The following XPO4 variants were observed in gnomAD, a reference collection of about 807,000 sequenced individuals.
XPO4 encodes the protein exportin 4, also known as exportin-4.
Under a neutral mutation model 143.0 loss-of-function variants are expected in XPO4, and 39 were observed. That is an observed-to-expected ratio of 0.27 (90% CI 0.21 to 0.36). The LOEUF is 0.36. XPO4 is among the 10% of genes least tolerant of loss of function. The pLI, the probability that XPO4 is intolerant of heterozygous loss-of-function variation, is 1.00. For synonymous variants in XPO4, 439 were observed against 474.0 expected, an observed-to-expected ratio of 0.93 and a Z score of 0.96; for missense variants, 907 against 1,348.0, an observed-to-expected ratio of 0.67 and a Z score of 5.12.
intron 1 of XPO4, among the ~76,000 whole-genome samples, chr13:20,897,119 GTAC>G (rs1237868456): frequency 2.0e-5 from 3 of 152,114 alleles, no homozygotes; most frequent in Admixed American, 6.6e-5. Flanking sequence ...GCCACCGCAG[GTAC>G]TACAAGACAG....
intron 18 of XPO4, among the ~76,000 whole-genome samples, chr13:20,792,723 C>CCA (rs2059303239): frequency 1.0e-5 from 1 of 98,086 alleles, no homozygotes. Context: ...CTCTGTCTCA[C>CCA]AAAAAAAAAA....
chr13:20,825,682 A>G (rs1566587812), intron 7 of XPO4, among the ~76,000 whole-genome samples: 1 of 152,198 alleles, frequency 6.6e-6, no homozygotes, highest in Non-Finnish European at 1.5e-5. Context: ...AGTCAAGTGC[A>G]TAATACAAAG....
At chr13:20,860,097 T>C (rs2060182796) in intron 3 of XPO4, among the ~76,000 whole-genome samples, 1 of 152,194 alleles carries the variant, frequency 6.6e-6, no homozygotes, top group Non-Finnish European at 1.5e-5. Context: ...CACCAGGCAC[T>C]GTGCTCAGAA....
At chr13:20,883,355 T>C (rs1007606306) in intron 1 of XPO4, among the ~76,000 whole-genome samples, 1 of 152,082 alleles carries the variant, frequency 6.6e-6, no homozygotes, top group Non-Finnish European at 1.5e-5. Flanking sequence ...GAAAACCCAA[T>C]GAATCCCAAA....
chr13:20,874,436 C>T (rs531573389), intron 1 of XPO4, among the ~76,000 whole-genome samples: 1 of 152,260 alleles, frequency 6.6e-6, no homozygotes, highest in South Asian at 2.1e-4. Flanking sequence ...AATTTAATTG[C>T]CATTGTAACA....
At position 20,781,038 on chromosome 13, in the gene XPO4, T is replaced by C. The variant is rs1275886938; in HGVS notation, c.*2684A>G. On this transcript the variant is annotated 3_prime_UTR_variant, in exon 23 of 23. Coordinates refer to ENST00000255305, the MANE Select transcript of XPO4 (RefSeq NM_022459.5). ...GAAAACTAGAGGTTAAAGGATACTA[T>C]ATGAACAACAGAAATTTTATAAAAC... The C allele has an allele frequency of 6.6e-6, 1 of 152,206 alleles. No homozygotes were observed. Among genetic ancestry groups the C allele is most frequent in the Non-Finnish European group, 1.5e-5 (1 of 68,032 alleles). 9.4% of individuals were successfully genotyped at this position (152,206 alleles called of 1,614,324 possible). A position where few individuals can be genotyped will look rare whatever the true frequency, so the allele number is the denominator to read the frequency against.
chr13:20,850,675 G>A (rs933804741), intron 4 of XPO4: 2 of 479,080 alleles, frequency 4.2e-6, no homozygotes, highest in African/African-American at 2.1e-5. Flanking sequence ...TGAGGTGGGA[G>A]GATCACTTGA....
chr13:20,893,732 C>T (rs2060541185), intron 1 of XPO4, among the ~76,000 whole-genome samples: 1 of 118,512 alleles, frequency 8.4e-6, no homozygotes, highest in Non-Finnish European at 1.9e-5. Flanking sequence ...CATTGCGCCA[C>T]TGCACTCCTG....
At chr13:20,812,902 T>C (rs2059601554) in intron 9 of XPO4, among the ~76,000 whole-genome samples, 1 of 151,988 alleles carries the variant, frequency 6.6e-6, no homozygotes, top group African/African-American at 2.4e-5. Context: ...GAAAAAGCCA[T>C]AAAAAAGAAT....
chr13:20,785,939 A>G (rs921679735), intron 22 of XPO4, among the ~76,000 whole-genome samples: 1 of 148,916 alleles, frequency 6.7e-6, no homozygotes, highest in African/African-American at 2.5e-5. Flanking sequence ...AGAAAAGAAA[A>G]ATGAAAGAAA....
At chr13:20,792,025 G>C (rs1284415660) in intron 18 of XPO4, among the ~76,000 whole-genome samples, 1 of 152,200 alleles carries the variant, frequency 6.6e-6, no homozygotes, top group Non-Finnish European at 1.5e-5. Context: ...ACTAGAGCTT[G>C]ACTCCCTGCT....
At chr13:20,814,192 CAAAAA>C (rs35203359) in intron 9 of XPO4, among the ~76,000 whole-genome samples, 2 of 97,958 alleles carry the variant, frequency 2.0e-5, no homozygotes, top group Admixed American at 9.5e-5. Context: ...ACCCAGTCTC[CAAAAA>C]AAAAAAAAAA....
intron 18 of XPO4, among the ~76,000 whole-genome samples, chr13:20,792,849 A>G (rs1266984692): frequency 3.3e-5 from 5 of 151,880 alleles, no homozygotes; most frequent in Non-Finnish European, 5.9e-5. Flanking sequence ...GCAATGGCAC[A>G]ATCTCAGCTC....
intron 7 of XPO4, 64 bp from the exon 8 acceptor site, chr13:20,822,353 C>A: frequency 7.0e-7 from 1 of 1,422,296 alleles, no homozygotes; most frequent in Admixed American, 2.2e-5. Flanking sequence ...ACGTGTCTAC[C>A]ATGCCGAATG....
chr13:20,799,118 TAC>T (rs774598808), intron 16 of XPO4, 45 bp downstream of exon 16: 1 of 1,509,184 alleles, frequency 6.6e-7, no homozygotes, highest in Non-Finnish European at 8.9e-7. Context: ...ATAAAGGAAC[TAC>T]AGAGTTACAC....
rs540479352 is a variant in XPO4, at chr13:20,799,104, A to G, written c.2322+61T>C. ...TCTCCAGAGACTCTTACGGCAACGC[A>G]TAGATAAAGGAACTACAGAGTTACA... On this transcript the variant is annotated intron_variant, in intron 16 of 22. Transcript: ENST00000255305. The G allele has an allele frequency of 7.6e-6, 11 of 1,439,332 alleles. No homozygotes were observed. In the South Asian group the frequency reaches 1.4e-4, roughly 18 times the overall value. The allele number at this position is 1,439,332 out of a possible 1,614,324, so 89.2% of individuals were successfully genotyped here. A position where few individuals can be genotyped will look rare whatever the true frequency, so the allele number is the denominator to read the frequency against.
intron 1 of XPO4, among the ~76,000 whole-genome samples, chr13:20,888,562 G>A (rs2060482151): frequency 6.6e-6 from 1 of 152,020 alleles, no homozygotes; most frequent in African/African-American, 2.4e-5. Flanking sequence ...TCGCCATGTT[G>A]CCCACTCTAG....
intron 7 of XPO4, among the ~76,000 whole-genome samples, chr13:20,825,378 A>G (rs1047669116): frequency 4.6e-5 from 7 of 152,236 alleles, no homozygotes; most frequent in Admixed American, 3.3e-4. Flanking sequence ...CATATAACTA[A>G]AACTAAATTT....
chr13:20,842,790 T>C (rs965262664), intron 6 of XPO4, 105 bp downstream of exon 6: 50 of 1,055,798 alleles, frequency 4.7e-5, no homozygotes, highest in Non-Finnish European at 6.1e-5. Flanking sequence ...TCTTATTTTC[T>C]TTCAATATGT....
Sources: allele counts gnomAD v4.1 joint callset (sites outside exome capture counted in the v4.1 genomes callset), GRCh38; gene constraint gnomAD v4.1.1; transcripts MANE v1.5; gene names NCBI Gene and HGNC (gene_info 2026-07-23, HGNC 2026-07-21).